PABPC4L: variants seen among roughly 807,000 people sequenced by gnomAD.
PABPC4L encodes poly(A) binding protein cytoplasmic 4 like.
For missense variants in PABPC4L, 452 were observed against 451.4 expected, an observed-to-expected ratio of 1.00 and a Z score of -0.01; for synonymous variants, 169 against 164.1, an observed-to-expected ratio of 1.03 and a Z score of -0.23.
At chr4:134,019,317 C>T in the PABPC4L span, among the ~76,000 whole-genome samples, 1 of 152,088 alleles carries the variant, frequency 6.6e-6, no homozygotes, top group Non-Finnish European at 1.5e-5. Flanking sequence ...TACATAAACA[C>T]ATGAATAACT....
the PABPC4L span, among the ~76,000 whole-genome samples, chr4:134,024,878 TG>T: frequency 2.0e-5 from 3 of 150,468 alleles, no homozygotes; most frequent in Non-Finnish European, 4.4e-5. Context: ...CAAACGATTT[TG>T]TCACCTTAAC....
chr4:134,129,279 T>C, the PABPC4L span, among the ~76,000 whole-genome samples: 3 of 151,854 alleles, frequency 2.0e-5, no homozygotes, highest in African/African-American at 7.3e-5. Flanking sequence ...AGACAGAAAG[T>C]CAACAAAGAA....
At chr4:134,085,696 C>T in the PABPC4L span, among the ~76,000 whole-genome samples, 1 of 152,064 alleles carries the variant, frequency 6.6e-6, no homozygotes, top group African/African-American at 2.4e-5. Flanking sequence ...GCATTTGAAT[C>T]TTTCCATTCA....
the PABPC4L span, among the ~76,000 whole-genome samples, chr4:133,953,794 G>A: frequency 6.6e-6 from 1 of 152,158 alleles, no homozygotes; most frequent in Non-Finnish European, 1.5e-5. Context: ...GATCATGGCT[G>A]CCCTTCTAAT....
chr4:134,134,375 A>G, the PABPC4L span, among the ~76,000 whole-genome samples: 1 of 152,186 alleles, frequency 6.6e-6, no homozygotes, highest in South Asian at 2.1e-4. Context: ...CTTAGATTAA[A>G]AAAGTGGATG....
the PABPC4L span, among the ~76,000 whole-genome samples, chr4:134,068,833 C>T: frequency 5.3e-5 from 8 of 151,914 alleles, no homozygotes; most frequent in African/African-American, 1.9e-4. Flanking sequence ...CTCAGCCTCC[C>T]AAGTAGCTGG....
chr4:134,123,090 C>G, the PABPC4L span, among the ~76,000 whole-genome samples: 31,798 of 151,844 alleles, frequency 0.21, 4,124 homozygotes, highest in Non-Finnish European at 0.27. Context: ...AGCCTCTAGT[C>G]ACGTCATTTG....
the PABPC4L span, among the ~76,000 whole-genome samples, chr4:134,048,164 T>G: frequency 1.3e-5 from 2 of 152,082 alleles, no homozygotes; most frequent in African/African-American, 4.8e-5. Context: ...AATTTGAATA[T>G]ATACATGTAT....
the PABPC4L span, among the ~76,000 whole-genome samples, chr4:134,089,454 T>G: frequency 6.6e-6 from 1 of 152,074 alleles, no homozygotes; most frequent in Non-Finnish European, 1.5e-5. Flanking sequence ...TGTTTTACAT[T>G]CTGGGGTTTA....
chr4:134,040,672 A>C, the PABPC4L span, among the ~76,000 whole-genome samples: 2 of 152,180 alleles, frequency 1.3e-5, no homozygotes, highest in African/African-American at 4.8e-5. Flanking sequence ...ATGGGCAAAG[A>C]CTTCATGACT....
chr4:134,015,879 C>G, the PABPC4L span, among the ~76,000 whole-genome samples: 1 of 152,266 alleles, frequency 6.6e-6, no homozygotes, highest in South Asian at 2.1e-4. Context: ...AACTCACTCT[C>G]TACAGTTCTC....
the PABPC4L span, among the ~76,000 whole-genome samples, chr4:133,985,403 T>C: frequency 2.6e-5 from 4 of 152,138 alleles, no homozygotes; most frequent in South Asian, 8.3e-4. Flanking sequence ...ATATGGAGAT[T>C]GGACTATAAG....
At chr4:134,093,607 T>A in the PABPC4L span, among the ~76,000 whole-genome samples, 1 of 150,254 alleles carries the variant, frequency 6.7e-6, no homozygotes, top group Non-Finnish European at 1.5e-5. Flanking sequence ...AGTCTCACTG[T>A]GTTGCCCAAG....
At chr4:134,124,559 T>G in the PABPC4L span, among the ~76,000 whole-genome samples, 31 of 152,240 alleles carry the variant, frequency 2.0e-4, no homozygotes, top group African/African-American at 6.7e-4. Context: ...TCAAATACAA[T>G]GTGTTAAATT....
chr4:134,057,530 A>G, the PABPC4L span, among the ~76,000 whole-genome samples: 9 of 151,952 alleles, frequency 5.9e-5, no homozygotes, highest in Non-Finnish European at 8.8e-5. Context: ...TTTCCACATG[A>G]TCTCCATTGG....
At chr4:134,073,942 G>A in the PABPC4L span, among the ~76,000 whole-genome samples, 1 of 152,226 alleles carries the variant, frequency 6.6e-6, no homozygotes, top group Non-Finnish European at 1.5e-5. Flanking sequence ...GTCCACAAAA[G>A]CATTTATCCC....
the PABPC4L span, among the ~76,000 whole-genome samples, chr4:134,148,859 AT>A: frequency 0.67 from 101,918 of 151,474 alleles, 35,249 homozygotes; most frequent in East Asian, 1. Flanking sequence ...TGAATGAATA[AT>A]TTTTTTTTGG....
At chr4:134,137,707 A>AT in the PABPC4L span, among the ~76,000 whole-genome samples, 2 of 151,762 alleles carry the variant, frequency 1.3e-5, no homozygotes, top group East Asian at 1.9e-4. Context: ...GGCTCTTGAT[A>AT]TTTTTTGTCT....
the PABPC4L span, among the ~76,000 whole-genome samples, chr4:134,176,760 G>A: frequency 6.6e-6 from 1 of 152,064 alleles, no homozygotes; most frequent in African/African-American, 2.4e-5. Flanking sequence ...CTCTGACATA[G>A]GAAAGGGTAA....
Sources: gnomAD v4.1 joint callset for allele counts (sites outside exome capture counted in the v4.1 genomes callset) on GRCh38, gnomAD v4.1.1 for gene constraint, MANE v1.5 for transcripts, NCBI Gene and HGNC (gene_info 2026-07-23, HGNC 2026-07-21) for gene names.